The following APOL2 variants were observed in gnomAD, a reference collection of about 807,000 sequenced individuals.
The protein encoded by APOL2 is apolipoprotein L, 2.
In APOL2, 8 loss-of-function variants were observed where a neutral mutation model predicts 7.1. That is an observed-to-expected ratio of 1.12 (90% confidence interval 0.66 to 2.03). APOL2 has a LOEUF of 2.03. APOL2 is among the 30% of genes most tolerant of loss of function. The pLI is 0.00. For missense variants in APOL2, 471 were observed against 415.1 expected, an observed-to-expected ratio of 1.13 and a Z score of -1.17; for synonymous variants, 177 against 159.9, an observed-to-expected ratio of 1.11 and a Z score of -0.81.
intron 3 of APOL2, among the ~76,000 whole-genome samples, chr22:36,231,684 G>T (rs549823263): frequency 3.5e-4 from 53 of 152,272 alleles, no homozygotes; most frequent in Admixed American, 3.2e-3. Context: ...GGCCTTTAAG[G>T]AAGCAATTAA....
rs2015210164 is a variant in APOL2 at position 36,231,210 on chromosome 22, GAGA to G, written c.137+127_137+129del. On this transcript the variant is annotated intron_variant, in intron 4 of 4. Coordinates refer to ENST00000358502, the MANE Select transcript of APOL2 (RefSeq NM_030882.4). ...GAGGAAATATTCCTCCTGGAGTGCC[GAGA>G]AGGTCATCCTCAAGCCCAGCAGAGG... The G allele has an allele frequency of 8.9e-6, 11 of 1,233,392 alleles. No homozygotes were observed. In the African/African-American group the frequency reaches 9.1e-5, roughly 10 times the overall value. The allele number at this position is 1,233,392 out of a possible 1,614,324, so 76.4% of individuals were successfully genotyped here.
intron 1 of APOL2, chr22:36,237,359 T>C: frequency 7.7e-7 from 1 of 1,307,100 alleles, no homozygotes; most frequent in African/African-American, 1.5e-5. Context: ...TTGTGGGGCA[T>C]CCTCCTTGGG....
intron 1 of APOL2, chr22:36,237,167 T>A: frequency 6.6e-7 from 1 of 1,510,000 alleles, no homozygotes. Context: ...TGAGGCTGGA[T>A]ACTGCCCCTC....
At chr22:36,230,379 C>T (rs1231320492) in intron 4 of APOL2, among the ~76,000 whole-genome samples, 2 of 152,192 alleles carry the variant, frequency 1.3e-5, no homozygotes, top group African/African-American at 4.8e-5. Flanking sequence ...CCTGTATGCC[C>T]ATGAGTGTTG....
Position 36,231,310 on chromosome 22 carries a change from G to A in APOL2, c.137+30C>T, listed in dbSNP as rs548029852. On this transcript the variant is annotated intron_variant, in intron 4 of 4. Transcript: ENST00000358502. ...GAGATCTGAGTGGCATCGCTGGGGC[G>A]CCCCATGGAGTTAACCCCATGGAGC... is the stretch of plus-strand genomic sequence containing the variant. 7.5e-5 allele frequency: 121 copies of A among 1,607,294 alleles called. No homozygotes were observed. The South Asian group carries it at 8.7e-4, about 12-fold the overall frequency.
Position 36,233,142 on chromosome 22 carries a change from A to G in APOL2, c.10+11T>C, listed in dbSNP as rs1489439876. On this transcript the variant is annotated intron_variant, in intron 3 of 4. Transcript: ENST00000358502. ...AGTAGGAACTAGCCAGGAAAGAGGA[A>G]GCGAGCCTACCTGGGTTCATGGTGC... 1.1e-5 allele frequency: 18 copies of G among 1,613,792 alleles called. No individual in the cohort carries two copies. The highest frequency in any genetic ancestry group is 1.5e-5 in the Non-Finnish European group (18 of 1,179,726).
At chr22:36,231,266 A>C in intron 4 of APOL2, 74 bp downstream of exon 4, 1 of 1,564,194 alleles carries the variant, frequency 6.4e-7, no homozygotes, top group Non-Finnish European at 8.7e-7. Context: ...TGTGCCTGTC[A>C]GGGACAACCA....
intron 3 of APOL2, among the ~76,000 whole-genome samples, chr22:36,232,721 G>A (rs2015265178): frequency 6.6e-6 from 1 of 152,150 alleles, no homozygotes; most frequent in Non-Finnish European, 1.5e-5. Context: ...AAGAGCTGGA[G>A]GGAGGGGACC....
At chr22:36,238,634 C>T (rs2015493728) in intron 1 of APOL2, among the ~76,000 whole-genome samples, 1 of 152,226 alleles carries the variant, frequency 6.6e-6, no homozygotes, top group Non-Finnish European at 1.5e-5. Context: ...GTTATACTCA[C>T]AATTCCACAG....
At position 36,227,896 on chromosome 22, in the gene APOL2, T is replaced by C; in HGVS notation, c.522A>G (p.Lys174=). 1 of 1,614,220 alleles carries C rather than the reference T, an allele frequency of 6.2e-7. No individual in the cohort carries two copies. Among genetic ancestry groups the C allele is most frequent in the Non-Finnish European group, 8.5e-7 (1 of 1,180,034 alleles). The part of the protein sequence containing the change: ...ITCSVVELVN[K]LRARAQARNL... ...TGCGGGCTTGGGCTCGTGCCCGCAA[T>C]TTGTTTACTAGTTCTACCACACTGC... The change falls in exon 5 of 5, where the codon AAA becomes AAG. Residue 174 remains lysine (K), a synonymous_variant. Coordinates refer to ENST00000358502, the MANE Select transcript of APOL2 (RefSeq NM_030882.4).
In APOL2 at chr22:36,237,166, A is replaced by G. The variant is rs567467536; in HGVS notation, c.-134+2275T>C. On this transcript the variant is annotated intron_variant, in intron 1 of 4. Coordinates refer to ENST00000358502, the MANE Select transcript of APOL2 (RefSeq NM_030882.4). ...AGCCTCTGCTGGGGGTTGAGGCTGG[A>G]TACTGCCCCTCAGGCTTGACTAGGA... 11 of 1,510,664 alleles carry G rather than the reference A, an allele frequency of 7.3e-6. No individual in the cohort carries two copies. In the African/African-American group the frequency reaches 1.3e-4, roughly 17 times the overall value. The allele number at this position is 1,510,664 out of a possible 1,614,324, so 93.6% of individuals were successfully genotyped here. A position where few individuals can be genotyped will look rare whatever the true frequency, so the allele number is the denominator to read the frequency against.
rs1342802515 is a variant in APOL2, at chr22:36,227,588, G to A, written c.830C>T (p.Ala277Val). 1.2e-6 allele frequency: 2 copies of A among 1,614,254 alleles called. No individual in the cohort carries two copies. Among genetic ancestry groups the A allele is most frequent in the East Asian group, 2.2e-5 (1 of 44,886 alleles). Residue 277 changes from alanine to valine, a missense_variant, in exon 5 of 5, where the codon GCA becomes GTA. Physicochemically the swap from Ala to Val is moderately conservative, Grantham distance 64 (BLOSUM62 0). Transcript: ENST00000358502. The stretch of plus-strand genomic sequence containing the variant: ...CAGAAGCAAGATGCCTCCAGTGGCT[G>A]CACCCACGATCATGGTTCCTCTGCT... The part of the protein sequence containing the change: ...AMSRGTMIVG[A>V]ATGGILLLLD...
At position 36,231,269 on chromosome 22, in the gene APOL2, G is replaced by A. The variant is rs190249411; in HGVS notation, c.137+71C>T. On this transcript the variant is annotated intron_variant, in intron 4 of 4. Coordinates refer to ENST00000358502, the MANE Select transcript of APOL2 (RefSeq NM_030882.4). ...GCCTGGAGGAGGTGTGCCTGTCAGGGACAACCAGCCCAGGGGAGATCTGAG... is the reference window on the plus strand; with the variant it reads ...GCCTGGAGGAGGTGTGCCTGTCAGGAACAACCAGCCCAGGGGAGATCTGAG... 1,136 of 1,568,380 alleles carry A rather than the reference G, an allele frequency of 7.2e-4. 2 individuals carry two copies. In the African/African-American group the frequency reaches 0.012, roughly 17 times the overall value.
At chr22:36,230,481 C>T (rs1011016160) in intron 4 of APOL2, among the ~76,000 whole-genome samples, 1 of 152,136 alleles carries the variant, frequency 6.6e-6, no homozygotes, top group Non-Finnish European at 1.5e-5. Flanking sequence ...CTTGGTGCCT[C>T]TCTTTCCACA....
At chr22:36,231,537 T>A (rs2015225739) in intron 3 of APOL2, 71 bp from the exon 4 acceptor site, 1 of 1,553,232 alleles carries the variant, frequency 6.4e-7, no homozygotes, top group South Asian at 1.1e-5. Context: ...GCACATTAGG[T>A]GGTTACATGT....
At chr22:36,231,544 A>G in intron 3 of APOL2, 78 bp from the exon 4 acceptor site, 1 of 1,539,588 alleles carries the variant, frequency 6.5e-7, no homozygotes, top group Non-Finnish European at 8.9e-7. Flanking sequence ...AGGTGGTTAC[A>G]TGTTAATTTT....
intron 1 of APOL2, among the ~76,000 whole-genome samples, chr22:36,235,520 T>G (rs1347898188): frequency 2.2e-5 from 3 of 138,676 alleles, no homozygotes; most frequent in African/African-American, 7.6e-5. Flanking sequence ...GAAAAATCAA[T>G]GAAACAAACA....
chr22:36,228,391 T>C, intron 4 of APOL2, 111 bp from the exon 5 acceptor site: 1 of 1,397,342 alleles, frequency 7.2e-7, no homozygotes, highest in Non-Finnish European at 9.7e-7. Context: ...ATCAATCAAA[T>C]AGAAACAAAT....
intron 1 of APOL2, among the ~76,000 whole-genome samples, chr22:36,233,806 G>T (rs887856537): frequency 3.3e-5 from 5 of 152,186 alleles, no homozygotes; most frequent in Non-Finnish European, 7.3e-5. Flanking sequence ...CAATTACTGT[G>T]CTCTACTCCC....
Sources: gnomAD v4.1 joint callset for allele counts (sites outside exome capture counted in the v4.1 genomes callset) on GRCh38, gnomAD v4.1.1 for gene constraint, MANE v1.5 for transcripts, NCBI Gene and HGNC (gene_info 2026-07-23, HGNC 2026-07-21) for gene names.